G3BP2: variants seen among roughly 807,000 people sequenced by gnomAD.
G3BP2 encodes ras GTPase-activating protein-binding protein 2.
In G3BP2, 11 loss-of-function variants were observed where a neutral mutation model predicts 56.7. That is an observed-to-expected ratio of 0.19 (90% CI 0.12 to 0.32). The LOEUF is 0.32. Ranked by LOEUF, G3BP2 falls within the 10% of genes least tolerant of loss-of-function variation. G3BP2 has a pLI of 1.00. For synonymous variants in G3BP2, 165 were observed against 191.6 expected (o/e 0.86, Z 1.15); for missense variants, 340 against 610.9 (o/e 0.56, Z 4.67).
intron 3 of G3BP2, among the ~76,000 whole-genome samples, chr4:75,693,028 C>T (rs926160727): frequency 1.3e-5 from 2 of 152,076 alleles, no homozygotes; most frequent in Non-Finnish European, 2.9e-5. Flanking sequence ...GGGTGGATCA[C>T]GAGGTCAGGA....
At position 75,710,008 on chromosome 4, in the gene G3BP2, G is replaced by A. The variant is rs59803928; in HGVS notation, c.-25+10869C>T. 1.1e-4 allele frequency among the ~76,000 whole-genome samples: 17 copies of A among 152,152 alleles called. No individual in the cohort carries two copies. In the East Asian group the frequency reaches 3.3e-3, roughly 29 times the overall value. ...CTAAGGTCAGCTAATTCCATTTAAT[G>A]GGAAAAAAGAGCTTATTGAACATAT... On this transcript the variant is annotated intron_variant, in intron 3 of 3. Coordinates refer to the G3BP2 transcript ENST00000499709.
intron 3 of G3BP2, among the ~76,000 whole-genome samples, chr4:75,705,878 T>C (rs1719524836): frequency 6.6e-6 from 1 of 152,168 alleles, no homozygotes; most frequent in African/African-American, 2.4e-5. Context: ...GGATAATATT[T>C]ATTTAGTGAG....
chr4:75,674,970 G>A (rs1488543082), upstream of G3BP2, among the ~76,000 whole-genome samples: 3 of 151,856 alleles, frequency 2.0e-5, no homozygotes, highest in Non-Finnish European at 2.9e-5. Flanking sequence ...TGATCCGCCC[G>A]CCTTGGCCTC....
chr4:75,645,718 G>C lies in G3BP2; in HGVS notation c.1177-16C>G. The stretch of plus-strand genomic sequence containing the variant: ...ACATAATCGGCTTTATAAAAGAGAA[G>C]AAAAATATTTACATGGGCAGGTTAG... On this transcript the variant is annotated splice_polypyrimidine_tract_variant and intron_variant, in intron 11 of 11. Coordinates refer to ENST00000359707, the MANE Select transcript of G3BP2 (RefSeq NM_203505.3). 2 of 1,609,516 alleles carry C rather than the reference G, an allele frequency of 1.2e-6. No individual in the cohort carries two copies. Among genetic ancestry groups the C allele is most frequent in the East Asian group, 2.2e-5 (1 of 44,866 alleles).
At chr4:75,684,383 C>T (rs928679529) in intron 3 of G3BP2, among the ~76,000 whole-genome samples, 2 of 150,108 alleles carry the variant, frequency 1.3e-5, no homozygotes, top group African/African-American at 2.5e-5. Context: ...CTGGCCTGGG[C>T]GACAGAGTTA....
intron 1 of G3BP2, among the ~76,000 whole-genome samples, chr4:75,662,993 C>T (rs935484940): frequency 5.9e-5 from 9 of 152,202 alleles, no homozygotes; most frequent in African/African-American, 2.2e-4. Context: ...GCTATAACTT[C>T]AGTACTTAGA....
intron 8 of G3BP2, among the ~76,000 whole-genome samples, chr4:75,652,870 A>C (rs754625205): frequency 6.6e-6 from 1 of 152,208 alleles, no homozygotes; most frequent in Admixed American, 6.5e-5. Flanking sequence ...AGCACTAGCT[A>C]TTTTAACTTT....
chr4:75,722,276 G>A (rs928994770), intron 1 of G3BP2, among the ~76,000 whole-genome samples: 2 of 152,126 alleles, frequency 1.3e-5, no homozygotes, highest in African/African-American at 2.4e-5. Flanking sequence ...CAAATGCAGG[G>A]AAAATTCATA....
Position 75,645,003 on chromosome 4 carries a change from G to A in G3BP2, c.*427C>T. On this transcript the variant is annotated 3_prime_UTR_variant, in exon 12 of 12. Coordinates refer to ENST00000359707, the MANE Select transcript of G3BP2 (RefSeq NM_203505.3). ...AAGTTTCTGTTGGTTTGTATTTTTGGGGGGAGCCAAGAAAAAAGGCAAGAT... is the reference window on the plus strand; with the variant it reads ...AAGTTTCTGTTGGTTTGTATTTTTGAGGGGAGCCAAGAAAAAAGGCAAGAT... 5.8e-6 allele frequency: 1 copy of A among 171,108 alleles called. No homozygotes were observed. 10.6% of individuals were successfully genotyped at this position (171,108 alleles called of 1,614,324 possible).
At chr4:75,656,543 T>C (rs1381043758) in intron 5 of G3BP2, among the ~76,000 whole-genome samples, 1 of 152,048 alleles carries the variant, frequency 6.6e-6, no homozygotes, top group Non-Finnish European at 1.5e-5. Context: ...AATTACGGCA[T>C]AGCCACAACA....
chr4:75,651,745 T>A (rs1731712811), intron 8 of G3BP2, among the ~76,000 whole-genome samples: 2 of 152,128 alleles, frequency 1.3e-5, no homozygotes, highest in South Asian at 4.2e-4. Flanking sequence ...AACCCACAAA[T>A]GAAGGTCAAA....
intron 1 of G3BP2, among the ~76,000 whole-genome samples, chr4:75,663,531 T>C (rs968491219): frequency 3.3e-5 from 5 of 152,086 alleles, no homozygotes; most frequent in African/African-American, 1.2e-4. Context: ...TCACTTCAGG[T>C]GTGAGCCACA....
At chr4:75,721,484 C>T (rs955691660) in intron 2 of G3BP2, among the ~76,000 whole-genome samples, 5 of 151,958 alleles carry the variant, frequency 3.3e-5, no homozygotes, top group African/African-American at 1.2e-4. Context: ...TGTTGAACTC[C>T]TGAGCTTAAA....
At chr4:75,694,807 GGAAGGATTTCA>G in intron 3 of G3BP2, 1 of 985,646 alleles carries the variant, frequency 1.0e-6, no homozygotes, top group Non-Finnish European at 1.2e-6. Flanking sequence ...CCAAGTTCCA[GGAAGGATTTCA>G]GATGGCACTA....
In G3BP2 at chr4:75,717,594, C is replaced by A. The variant is rs75003914; in HGVS notation, c.-25+3283G>T. The stretch of plus-strand genomic sequence containing the variant: ...TAGCTTGCTGGGAAGTTGGCAATGA[C>A]TCCATTAAAATCATCTTAAGCTTAC... On this transcript the variant is annotated intron_variant, in intron 3 of 3. Transcript: ENST00000499709. 1.9e-3 allele frequency among the ~76,000 whole-genome samples: 295 copies of A among 152,286 alleles called. 1 individual carries two copies. The highest frequency in any genetic ancestry group is 6.9e-3 in the African/African-American group (285 of 41,564).
intron 3 of G3BP2, among the ~76,000 whole-genome samples, chr4:75,701,002 T>C (rs1237610730): frequency 1.3e-5 from 2 of 150,002 alleles, no homozygotes; most frequent in Non-Finnish European, 3.0e-5. Flanking sequence ...CCACACCTGC[T>C]ATATATTTTT....
intron 3 of G3BP2, among the ~76,000 whole-genome samples, chr4:75,682,170 A>C (rs574207341): frequency 4.2e-4 from 64 of 152,254 alleles, no homozygotes; most frequent in African/African-American, 1.5e-3. Flanking sequence ...TAATCCCAGC[A>C]CTTTGGGAGG....
At chr4:75,651,317 C>G (rs1405841489) in intron 8 of G3BP2, among the ~76,000 whole-genome samples, 1 of 152,170 alleles carries the variant, frequency 6.6e-6, no homozygotes, top group African/African-American at 2.4e-5. Flanking sequence ...ACTTGAGGCC[C>G]TGGTCTTGAC....
chr4:75,679,315 A>G (rs1733988287), intron 3 of G3BP2, among the ~76,000 whole-genome samples: 1 of 152,266 alleles, frequency 6.6e-6, no homozygotes, highest in Non-Finnish European at 1.5e-5. Context: ...GGATGAATCC[A>G]TTCATTTTAG....
Sources: allele counts gnomAD v4.1 joint callset (sites outside exome capture counted in the v4.1 genomes callset), GRCh38; gene constraint gnomAD v4.1.1; transcripts MANE v1.5; gene names NCBI Gene and HGNC (gene_info 2026-07-23, HGNC 2026-07-21).